FBXO34: variants seen among roughly 807,000 people sequenced by gnomAD.
FBXO34 encodes the protein F-box only protein 34.
FBXO34 carries 12 observed loss-of-function variants against 24.5 expected under a neutral mutation model. The observed-to-expected ratio is 0.49, with a 90% CI of 0.31 to 0.79. The LOEUF is 0.79. Among genes scored for constraint, FBXO34 ranks in the 30% least tolerant of loss-of-function variants. FBXO34 has a pLI of 0.04. For missense variants in FBXO34, 823 were observed against 857.7 expected (o/e 0.96, Z 0.51); for synonymous variants, 320 against 311.9 (o/e 1.03, Z -0.27).
Position 55,327,908 on chromosome 14 carries a change from GTTTTTTTTTTT to G in FBXO34, c.-10-22448_-10-22438del, listed in dbSNP as rs386381425. ...CATATGATTTTCTTTGTTGTTGTTG[GTTTTTTTTTTT>G]TTTTTTTTTTTTTTTTTTTTTTTTG... On this transcript the variant is annotated intron_variant, in intron 1 of 1. Transcript: ENST00000313833. Among the ~76,000 whole-genome samples the G allele has an allele frequency of 6.2e-3, 302 of 48,700 alleles. 3 individuals carry two copies. Among genetic ancestry groups the G allele is most frequent in the African/African-American group, 0.023 (265 of 11,726 alleles). The allele number at this position is 48,700 out of a possible 152,430, so 31.9% of individuals were successfully genotyped here. A position where few individuals can be genotyped will look rare whatever the true frequency, so the allele number is the denominator to read the frequency against.
the FBXO34 span, among the ~76,000 whole-genome samples, chr14:55,442,413 G>A: frequency 6.6e-6 from 1 of 151,488 alleles, no homozygotes; most frequent in Non-Finnish European, 1.5e-5. Flanking sequence ...AATGTACAGA[G>A]GCAGACATAA....
Position 55,353,181 on chromosome 14 carries a change from A to G in FBXO34, c.*655A>G, listed in dbSNP as rs1884451717. The G allele has an allele frequency of 6.0e-6, 1 of 167,116 alleles. No homozygotes were observed. The highest frequency in any genetic ancestry group is 2.4e-5 in the African/African-American group (1 of 41,444). 10.4% of individuals were successfully genotyped at this position (167,116 alleles called of 1,614,324 possible). A position where few individuals can be genotyped will look rare whatever the true frequency, so the allele number is the denominator to read the frequency against. On this transcript the variant is annotated 3_prime_UTR_variant, in exon 2 of 2. Coordinates refer to ENST00000313833, the MANE Select transcript of FBXO34 (RefSeq NM_017943.4). ...TGAGTGCTTTGGCCCCTCTGTGAATAGCACGATTAAAATCCAGTTGTATAT... is the reference window on the plus strand; with the variant it reads ...TGAGTGCTTTGGCCCCTCTGTGAATGGCACGATTAAAATCCAGTTGTATAT...
At chr14:55,296,130 CAATGCT>C (rs979587155) in intron 1 of FBXO34, among the ~76,000 whole-genome samples, 1 of 151,982 alleles carries the variant, frequency 6.6e-6, no homozygotes, top group African/African-American at 2.4e-5. Flanking sequence ...TAAAGTTAAC[CAATGCT>C]AATTTAAATA....
chr14:55,326,524 G>C (rs1457430601), intron 1 of FBXO34, among the ~76,000 whole-genome samples: 1 of 152,186 alleles, frequency 6.6e-6, no homozygotes, highest in Non-Finnish European at 1.5e-5. Flanking sequence ...GTCTGGAGGA[G>C]CAGGTTTGGT....
At chr14:55,424,298 C>A in the FBXO34 span, 3 of 1,288,894 alleles carry the variant, frequency 2.3e-6, no homozygotes, top group African/African-American at 2.9e-5. Flanking sequence ...CACTATTCAG[C>A]TCCTTTCCCA....
chr14:55,376,602 G>T, the FBXO34 span, among the ~76,000 whole-genome samples: 1 of 152,124 alleles, frequency 6.6e-6, no homozygotes, highest in African/African-American at 2.4e-5. Flanking sequence ...GTTAAAAGCA[G>T]ATTATCACTG....
chr14:55,321,775 A>C (rs1018959932), intron 1 of FBXO34, among the ~76,000 whole-genome samples: 7 of 152,182 alleles, frequency 4.6e-5, no homozygotes, highest in African/African-American at 1.7e-4. Flanking sequence ...CGAATGGAGA[A>C]AGTGAATCAA....
chr14:55,390,213 G>A, the FBXO34 span, among the ~76,000 whole-genome samples: 1 of 152,054 alleles, frequency 6.6e-6, no homozygotes, highest in Non-Finnish European at 1.5e-5. Flanking sequence ...TGGGATTACA[G>A]GTGCCTGCCA....
the FBXO34 span, among the ~76,000 whole-genome samples, chr14:55,408,677 G>A: frequency 6.6e-6 from 1 of 152,152 alleles, no homozygotes; most frequent in Admixed American, 6.6e-5. Flanking sequence ...AGGTTAAGAT[G>A]GGAGGATTGC....
At chr14:55,368,007 A>G (rs1039971904) in exon 3 of FBXO34, 3 of 152,668 alleles carry the variant, frequency 2.0e-5, no homozygotes, top group African/African-American at 7.2e-5. Flanking sequence ...CAGAGGTGCT[A>G]TCATGCCAAT....
At chr14:55,274,787 GT>G (rs958759618) in intron 1 of FBXO34, among the ~76,000 whole-genome samples, 3 of 152,062 alleles carry the variant, frequency 2.0e-5, no homozygotes, top group African/African-American at 7.2e-5. Context: ...TTTAATATTT[GT>G]TTGGGAGAAA....
chr14:55,311,998 G>A (rs528748961), intron 1 of FBXO34, among the ~76,000 whole-genome samples: 14 of 152,210 alleles, frequency 9.2e-5, no homozygotes, highest in East Asian at 5.8e-4. Flanking sequence ...TAAGGCGTTC[G>A]AGACCAGCCT....
chr14:55,440,402 G>C, the FBXO34 span: 6 of 1,613,042 alleles, frequency 3.7e-6, no homozygotes, highest in South Asian at 6.6e-5. Context: ...TCACCTGAGC[G>C]GCGCACTGGT....
intron 1 of FBXO34, among the ~76,000 whole-genome samples, chr14:55,316,033 G>C (rs1882915548): frequency 6.6e-6 from 1 of 151,536 alleles, no homozygotes; most frequent in African/African-American, 2.4e-5. Context: ...TCATTTCTTT[G>C]TATTTTTTTG....
intron 1 of FBXO34, among the ~76,000 whole-genome samples, chr14:55,273,899 G>A (rs1435026131): frequency 6.6e-6 from 1 of 152,102 alleles, no homozygotes; most frequent in African/African-American, 2.4e-5. Flanking sequence ...TCCGCCTCCC[G>A]GGTTCAAGCG....
intron 1 of FBXO34, among the ~76,000 whole-genome samples, chr14:55,334,201 C>T (rs759509784): frequency 2.0e-5 from 3 of 152,148 alleles, no homozygotes; most frequent in Non-Finnish European, 4.4e-5. Flanking sequence ...TCAGAGAAAG[C>T]AGGGCGCTAA....
At chr14:55,395,956 C>T in the FBXO34 span, 2 of 1,595,130 alleles carry the variant, frequency 1.3e-6, no homozygotes, top group Non-Finnish European at 1.7e-6. Flanking sequence ...ATCTGTTATC[C>T]ATTTTCCTTC....
intron 1 of FBXO34, among the ~76,000 whole-genome samples, chr14:55,331,546 G>T (rs924418378): frequency 1.7e-5 from 2 of 120,094 alleles, no homozygotes; most frequent in Non-Finnish European, 3.7e-5. Flanking sequence ...AAATTGAGGC[G>T]TGATATATAT....
the FBXO34 span, among the ~76,000 whole-genome samples, chr14:55,405,896 G>A: frequency 6.6e-6 from 1 of 151,920 alleles, no homozygotes; most frequent in Admixed American, 6.6e-5. Flanking sequence ...TGGCGGGGGG[G>A]GCAGGGGAAG....
Sources: allele counts gnomAD v4.1 joint callset (sites outside exome capture counted in the v4.1 genomes callset), GRCh38; gene constraint gnomAD v4.1.1; transcripts MANE v1.5; gene names NCBI Gene and HGNC (gene_info 2026-07-23, HGNC 2026-07-21).